TMEM163: variants seen among roughly 807,000 people sequenced by gnomAD.
TMEM163 encodes the protein transmembrane protein 163.
Under a neutral mutation model 29.3 loss-of-function variants are expected in TMEM163, and 17 were observed. The observed-to-expected ratio is 0.58, with a 90% CI of 0.40 to 0.87. TMEM163 has a LOEUF of 0.87. Among genes scored for constraint, TMEM163 ranks in the 40% least tolerant of loss-of-function variants. TMEM163 has a pLI of 0.00. For missense variants in TMEM163, 303 were observed against 381.5 expected, an observed-to-expected ratio of 0.79 and a Z score of 1.71; for synonymous variants, 157 against 160.6, an observed-to-expected ratio of 0.98 and a Z score of 0.17.
At chr2:134,639,594 G>A (rs535448572) in intron 2 of TMEM163, among the ~76,000 whole-genome samples, 18 of 152,290 alleles carry the variant, frequency 1.2e-4, no homozygotes, top group Non-Finnish European at 1.9e-4. Context: ...ACAGGCTGTC[G>A]TCTAAATGTG....
At chr2:134,580,198 C>T (rs1681660795) in intron 2 of TMEM163, among the ~76,000 whole-genome samples, 1 of 152,152 alleles carries the variant, frequency 6.6e-6, no homozygotes, top group Admixed American at 6.5e-5. Flanking sequence ...ATGTCTGCAC[C>T]TCAATGACTT....
chr2:134,642,353 CT>C (rs1683240123), intron 2 of TMEM163, among the ~76,000 whole-genome samples: 1 of 152,122 alleles, frequency 6.6e-6, no homozygotes, highest in African/African-American at 2.4e-5. Context: ...TGGTCTCGAA[CT>C]CCTAACCTCA....
At chr2:134,704,043 G>C (rs1157426346) in intron 2 of TMEM163, among the ~76,000 whole-genome samples, 1 of 152,006 alleles carries the variant, frequency 6.6e-6, no homozygotes, top group East Asian at 1.9e-4. Flanking sequence ...ATCATGGTGG[G>C]TCCCCTGCTC....
At chr2:134,555,471 A>G (rs1681030268) in intron 2 of TMEM163, among the ~76,000 whole-genome samples, 1 of 152,214 alleles carries the variant, frequency 6.6e-6, no homozygotes, top group Admixed American at 6.5e-5. Flanking sequence ...AATGCCTTCA[A>G]GACAGCTGCT....
At chr2:134,711,377 C>T (rs1684923526) in intron 2 of TMEM163, among the ~76,000 whole-genome samples, 1 of 152,168 alleles carries the variant, frequency 6.6e-6, no homozygotes, top group Non-Finnish European at 1.5e-5. Flanking sequence ...TCACCTTCTA[C>T]ATTTTTTAGT....
intron 2 of TMEM163, among the ~76,000 whole-genome samples, chr2:134,586,756 G>A (rs1031241076): frequency 3.3e-5 from 5 of 152,324 alleles, no homozygotes; most frequent in Non-Finnish European, 5.9e-5. Context: ...GCCCAGTCAC[G>A]AGACGGCAGG....
intron 4 of TMEM163, among the ~76,000 whole-genome samples, chr2:134,522,579 T>C (rs914863015): frequency 2.0e-5 from 3 of 152,214 alleles, no homozygotes; most frequent in African/African-American, 7.2e-5. Context: ...TAACCCACAG[T>C]GCTTGTGTTA....
chr2:134,718,965 G>A lies in TMEM163; in HGVS notation c.-30C>T. The A allele has an allele frequency of 9.8e-7, 1 of 1,021,822 alleles. No homozygotes were observed. Among genetic ancestry groups the A allele is most frequent in the Non-Finnish European group, 1.2e-6 (1 of 855,346 alleles). 63.3% of individuals were successfully genotyped at this position (1,021,822 alleles called of 1,614,324 possible). A position where few individuals can be genotyped will look rare whatever the true frequency, so the allele number is the denominator to read the frequency against. Reference sequence around the variant, plus strand: ...CGGGGCTGCGGATCCCGGCGGCGGCGACGACAAGCGCGGCGGGGACTCGAG... The same window carrying A: ...CGGGGCTGCGGATCCCGGCGGCGGCAACGACAAGCGCGGCGGGGACTCGAG... On this transcript the variant is annotated 5_prime_UTR_variant, in exon 1 of 8. Coordinates refer to ENST00000281924, the MANE Select transcript of TMEM163 (RefSeq NM_030923.5).
At chr2:134,466,282 G>A (rs993086579) in intron 5 of TMEM163, 57 bp from the exon 6 acceptor site, 67 of 1,417,252 alleles carry the variant, frequency 4.7e-5, no homozygotes, top group Non-Finnish European at 6.5e-5. Context: ...CAGATCATCT[G>A]CAACCCACTT....
chr2:134,467,820 G>C (rs1271020852), intron 5 of TMEM163: 1 of 152,214 alleles, frequency 6.6e-6, no homozygotes, highest in Admixed American at 6.5e-5. Flanking sequence ...AGTAGGTCAG[G>C]CTGGATGGAG....
intron 2 of TMEM163, among the ~76,000 whole-genome samples, chr2:134,620,417 G>A (rs971761620): frequency 2.6e-5 from 4 of 151,968 alleles, no homozygotes; most frequent in East Asian, 3.9e-4. Flanking sequence ...CCATGACCCC[G>A]GCTAATTTTG....
At chr2:134,516,731 G>GCATATATATGCATATATT (rs1680074425) in intron 4 of TMEM163, among the ~76,000 whole-genome samples, 4 of 75,964 alleles carry the variant, frequency 5.3e-5, no homozygotes, top group African/African-American at 2.4e-4. Flanking sequence ...TCATATATAT[G>GCATATATATGCATATATT]CATATATATG....
In TMEM163 at chr2:134,559,772, G is replaced by A. The variant is rs552190334; in HGVS notation, c.323-7681C>T. 2.8e-4 allele frequency among the ~76,000 whole-genome samples: 42 copies of A among 152,158 alleles called. 1 individual carries two copies. Among genetic ancestry groups the A allele is most frequent in the African/African-American group, 9.4e-4 (39 of 41,498 alleles). On this transcript the variant is annotated intron_variant, in intron 2 of 7. Transcript: ENST00000281924. ...GAAGAGGTTAGAAAATATTGCCCTC[G>A]AGCTGCTGCTATGGGGGTAGGGAGT...
At chr2:134,546,846 T>C (rs1378281215) in intron 4 of TMEM163, among the ~76,000 whole-genome samples, 1 of 151,918 alleles carries the variant, frequency 6.6e-6, no homozygotes, top group Non-Finnish European at 1.5e-5. Flanking sequence ...AAAAGATTAT[T>C]CAGCCTTTAA....
chr2:134,511,395 T>C (rs1574193219), intron 4 of TMEM163, among the ~76,000 whole-genome samples: 1 of 152,064 alleles, frequency 6.6e-6, no homozygotes, highest in Non-Finnish European at 1.5e-5. Context: ...AGGACTTGTG[T>C]TTTTCCACTA....
intron 2 of TMEM163, among the ~76,000 whole-genome samples, chr2:134,613,542 C>T (rs1682548516): frequency 6.6e-6 from 1 of 151,846 alleles, no homozygotes; most frequent in Non-Finnish European, 1.5e-5. Context: ...AGTGGGACAA[C>T]AGTACAATTA....
At chr2:134,613,096 T>G (rs1183456353) in intron 2 of TMEM163, among the ~76,000 whole-genome samples, 1 of 152,112 alleles carries the variant, frequency 6.6e-6, no homozygotes, top group Non-Finnish European at 1.5e-5. Flanking sequence ...GATAAAATAC[T>G]AGAGTTGAAA....
At chr2:134,494,105 CA>C (rs1558921965) in intron 5 of TMEM163, among the ~76,000 whole-genome samples, 1 of 152,190 alleles carries the variant, frequency 6.6e-6, no homozygotes, top group Non-Finnish European at 1.5e-5. Context: ...CCCCGCCACA[CA>C]CACATTCTCT....
chr2:134,711,282 A>C (rs1214944725), intron 2 of TMEM163, among the ~76,000 whole-genome samples: 1 of 152,220 alleles, frequency 6.6e-6, no homozygotes, highest in Non-Finnish European at 1.5e-5. Context: ...ATCACAGACC[A>C]TATCAAGGGT....
Sources: allele counts gnomAD v4.1 joint callset (sites outside exome capture counted in the v4.1 genomes callset), GRCh38; gene constraint gnomAD v4.1.1; transcripts MANE v1.5; gene names NCBI Gene and HGNC (gene_info 2026-07-23, HGNC 2026-07-21).